GGA2: variants seen among roughly 807,000 people sequenced by gnomAD.
The protein encoded by GGA2 is golgi associated, gamma adaptin ear containing, ARF binding protein 2.
A neutral mutation model predicts 79.5 loss-of-function variants in GGA2; 48 were observed. The ratio of observed to expected loss-of-function variants is 0.60; its 90% CI spans 0.48 to 0.77. The LOEUF (loss-of-function observed/expected upper bound fraction) is 0.77. Ranked by LOEUF, GGA2 falls within the 30% of genes least tolerant of loss-of-function variation. The probability of loss-of-function intolerance (pLI) is 0.00; values close to 1 mark genes in which losing one functional copy is unlikely to be tolerated. For synonymous variants in GGA2, 317 were observed against 302.0 expected (o/e 1.05, Z -0.51); for missense variants, 770 against 774.0 (o/e 0.99, Z 0.06).
intron 1 of GGA2, among the ~76,000 whole-genome samples, chr16:23,503,376 T>C (rs1964940678): frequency 6.6e-6 from 1 of 152,212 alleles, no homozygotes; most frequent in African/African-American, 2.4e-5. Flanking sequence ...ATTGATCTAT[T>C]TTATATATTA....
chr16:23,498,703 T>C (rs1017210139), intron 1 of GGA2, among the ~76,000 whole-genome samples: 1 of 152,242 alleles, frequency 6.6e-6, no homozygotes, highest in Non-Finnish European at 1.5e-5. Context: ...TGTTTATTAT[T>C]ACGTACAGTC....
In GGA2 at chr16:23,495,779, CT is replaced by C; in HGVS notation, c.92-2del. 1.2e-6 allele frequency: 2 copies of C among 1,602,290 alleles called. No homozygotes were observed. The highest frequency in any genetic ancestry group is 1.7e-6 in the Non-Finnish European group (2 of 1,170,346). On this transcript the variant is annotated splice_acceptor_variant, in intron 1 of 16. Coordinates refer to ENST00000309859, the MANE Select transcript of GGA2 (RefSeq NM_015044.4). LOFTEE classifies it high-confidence loss of function. ...GACATGCTTGGGTCTGTGGCTTTGT[CT>C]GTCAAATAAATAATAAAGTTAGAGA...
intron 3 of GGA2, 89 bp downstream of exon 3, chr16:23,494,214 G>A: frequency 2.3e-6 from 2 of 877,980 alleles, no homozygotes; most frequent in East Asian, 2.4e-5. Context: ...CTTCTCCAGT[G>A]AAAAGGATCT....
In GGA2 at chr16:23,482,958, A is replaced by G. The variant is rs1964666579; in HGVS notation, c.845T>C (p.Leu282Ser). The change falls in exon 9 of 17, where the codon TTG becomes TCG. Residue 282 changes from leucine to serine, a missense_variant. Coordinates refer to ENST00000309859, the MANE Select transcript of GGA2 (RefSeq NM_015044.4). ...ATCGTCATCAGTGGTGTCACTCGCC[A>G]ACCGGAACAGCGTGGGCCGCAGCTT... ...CEKLRPTLFR[L>S]ASDTTDDDDA... 1 of 1,612,842 alleles carries G rather than the reference A, an allele frequency of 6.2e-7. No individual in the cohort carries two copies. The highest frequency in any genetic ancestry group is 1.1e-5 in the South Asian group (1 of 91,054).
rs57255054 is a variant in GGA2 at position 23,467,387 on chromosome 16, A to AACACACACACAC, written c.*191_*202dup. 5,956 of 326,682 alleles carry AACACACACACAC rather than the reference A, an allele frequency of 0.018. 62 individuals carry two copies. Among genetic ancestry groups the AACACACACACAC allele is most frequent in the South Asian group, 0.025 (557 of 22,168 alleles). The allele number at this position is 326,682 out of a possible 1,614,324, so 20.2% of individuals were successfully genotyped here. A position where few individuals can be genotyped will look rare whatever the true frequency, so the allele number is the denominator to read the frequency against. Reference sequence around the variant, plus strand: ...GCCCTGTGCTACCACCCTCTCCCCGAACACACACACACACACACACACACA... The same window carrying AACACACACACAC: ...GCCCTGTGCTACCACCCTCTCCCCGAACACACACACACACACACACACACACACACACACACA... On this transcript the variant is annotated 3_prime_UTR_variant, in exon 17 of 17. Transcript: ENST00000309859.
At chr16:23,468,839 A>G in intron 16 of GGA2, 47 bp downstream of exon 16, 1 of 1,071,420 alleles carries the variant, frequency 9.3e-7, no homozygotes, top group Non-Finnish European at 1.5e-6. Flanking sequence ...CTCCCCTTAC[A>G]GTTCAGGGGC....
chr16:23,510,392 G>GCCA lies in GGA2; in HGVS notation c.17_19dup (p.Val6dup). Reference sequence around the variant, plus strand: ...CGACTCGGTTCCCGCCACAGCCGCCGCCACCGCGGTCGCCGCCATCGCTCC... The same window carrying GCCA: ...CGACTCGGTTCCCGCCACAGCCGCCGCCACCACCGCGGTCGCCGCCATCGCTCC... On this transcript the variant is annotated inframe_insertion, in exon 1 of 17. Coordinates refer to ENST00000309859, the MANE Select transcript of GGA2 (RefSeq NM_015044.4). 7.2e-7 allele frequency: 1 copy of GCCA among 1,392,754 alleles called. No homozygotes were observed. The highest frequency in any genetic ancestry group is 1.5e-5 in the African/African-American group (1 of 66,714). 86.3% of individuals were successfully genotyped at this position (1,392,754 alleles called of 1,614,324 possible).
At chr16:23,498,396 C>T (rs947921627) in intron 1 of GGA2, among the ~76,000 whole-genome samples, 2 of 152,112 alleles carry the variant, frequency 1.3e-5, no homozygotes, top group Middle Eastern at 3.4e-3. Context: ...AACTGCACTC[C>T]AGCCTGGGGG....
In GGA2 at chr16:23,470,035, C is replaced by A; in HGVS notation, c.1581G>T (p.Gln527His). ...CTTGAAACATGATATCCCAGACAGG[C>A]TGGGGAGCCGTGCTCATCATGGTCA... ...LLLTMMSTAP[Q>H]PVWDIMFQVA... Residue 527 changes from glutamine to histidine, a missense_variant, in exon 15 of 17, where the codon CAG (glutamine) becomes CAT (histidine). Coordinates refer to ENST00000309859, the MANE Select transcript of GGA2 (RefSeq NM_015044.4). 1.3e-6 allele frequency: 2 copies of A among 1,594,642 alleles called. No homozygotes were observed. The highest frequency in any genetic ancestry group is 8.5e-7 in the Non-Finnish European group (1 of 1,170,624).
At chr16:23,514,943 G>C, upstream of GGA2, among the ~76,000 whole-genome samples, 1 of 152,092 alleles carries the variant, frequency 6.6e-6, no homozygotes, top group Non-Finnish European at 1.5e-5. Context: ...ATTTGTCTTT[G>C]TAATAGATCT....
upstream of GGA2, among the ~76,000 whole-genome samples, chr16:23,512,146 C>T (rs1418872675): frequency 1.3e-5 from 2 of 152,212 alleles, no homozygotes; most frequent in African/African-American, 4.8e-5. Context: ...CCCAGAGCCA[C>T]TGAATGAGGC....
rs1196385488 is a variant in GGA2, at chr16:23,503,024, T to G, written c.92-7246A>C. ...TTTGTTACACCCTGAATCCTCATCTTTCCTTGGGTATGGCCAGACCTGTGC... is the reference window on the plus strand; with the variant it reads ...TTTGTTACACCCTGAATCCTCATCTGTCCTTGGGTATGGCCAGACCTGTGC... On this transcript the variant is annotated intron_variant, in intron 1 of 16. Coordinates refer to ENST00000309859, the MANE Select transcript of GGA2 (RefSeq NM_015044.4). Among the ~76,000 whole-genome samples the G allele has an allele frequency of 2.0e-5, 3 of 152,230 alleles. 1 individual carries two copies. The highest frequency in any genetic ancestry group is 4.4e-5 in the Non-Finnish European group (3 of 68,042).
At chr16:23,522,018 G>C, upstream of GGA2, 1 of 338,682 alleles carries the variant, frequency 3.0e-6, no homozygotes, top group Admixed American at 3.8e-5. Flanking sequence ...TTCTCTCATA[G>C]TGTTATAAAA....
At chr16:23,497,720 C>T (rs1023378465) in intron 1 of GGA2, among the ~76,000 whole-genome samples, 2 of 152,238 alleles carry the variant, frequency 1.3e-5, no homozygotes, top group Non-Finnish European at 2.9e-5. Flanking sequence ...AAAACAAAAG[C>T]TGTCTCCTCC....
At position 23,464,431 on chromosome 16, in the gene GGA2, A is replaced by G. The variant is rs1263745161; in HGVS notation, c.*3159T>C. 2 of 152,140 alleles carry G rather than the reference A, an allele frequency of 1.3e-5. No homozygotes were observed. Among genetic ancestry groups the G allele is most frequent in the African/African-American group, 4.8e-5 (2 of 41,432 alleles). 9.4% of individuals were successfully genotyped at this position (152,140 alleles called of 1,614,324 possible). ...GCGTGCAACTTGAATTTGATCCCATAAAGTCAGGCATCAGGAAGCCATTCA... is the reference window on the plus strand; with the variant it reads ...GCGTGCAACTTGAATTTGATCCCATGAAGTCAGGCATCAGGAAGCCATTCA... On this transcript the variant is annotated 3_prime_UTR_variant, in exon 17 of 17. Coordinates refer to ENST00000309859, the MANE Select transcript of GGA2 (RefSeq NM_015044.4).
At chr16:23,468,150 C>T (rs1964465163) in intron 16 of GGA2, among the ~76,000 whole-genome samples, 1 of 152,064 alleles carries the variant, frequency 6.6e-6, no homozygotes, top group Non-Finnish European at 1.5e-5. Context: ...TTCCCTCCCT[C>T]TCTCTCTCTT....
Position 23,467,492 on chromosome 16 carries a change from T to C in GGA2, c.*98A>G. 1 of 696,084 alleles carries C rather than the reference T, an allele frequency of 1.4e-6. No individual in the cohort carries two copies. Among genetic ancestry groups the C allele is most frequent in the East Asian group, 2.8e-5 (1 of 36,048 alleles). 43.1% of individuals were successfully genotyped at this position (696,084 alleles called of 1,614,324 possible). The stretch of plus-strand genomic sequence containing the variant: ...CCAGAGCCTGACGTCAGGATAGGAC[T>C]CTTGGCACTCCGCACTGAAACACCG... On this transcript the variant is annotated 3_prime_UTR_variant, in exon 17 of 17. Transcript: ENST00000309859.
chr16:23,486,514 G>A (rs1388145547), intron 7 of GGA2, among the ~76,000 whole-genome samples, 196 bp downstream of exon 7: 1 of 152,178 alleles, frequency 6.6e-6, no homozygotes, highest in Non-Finnish European at 1.5e-5. Context: ...GAGAAGTACG[G>A]CAGCGGGATT....
At chr16:23,482,339 G>A (rs566870938) in intron 9 of GGA2, among the ~76,000 whole-genome samples, 1 of 152,128 alleles carries the variant, frequency 6.6e-6, no homozygotes, top group Non-Finnish European at 1.5e-5. Context: ...TACAAAGAGA[G>A]GTACAGATGA....
Sources: allele counts gnomAD v4.1 joint callset (sites outside exome capture counted in the v4.1 genomes callset), GRCh38; gene constraint gnomAD v4.1.1; transcripts MANE v1.5; gene names NCBI Gene and HGNC (gene_info 2026-07-23, HGNC 2026-07-21).